The following HSPBAP1 variants were observed in gnomAD, a reference collection of about 807,000 sequenced individuals.
HSPBAP1 encodes HSPB1-associated protein 1.
A neutral mutation model predicts 45.2 loss-of-function variants in HSPBAP1; 27 were observed. The ratio of observed to expected loss-of-function variants is 0.60; its 90% CI spans 0.44 to 0.82. The LOEUF is 0.82. Among genes scored for constraint, HSPBAP1 ranks in the 40% least tolerant of loss-of-function variants. The pLI, the probability that HSPBAP1 is intolerant of heterozygous loss-of-function variation, is 0.00. For synonymous variants in HSPBAP1, 204 were observed against 202.7 expected (o/e 1.01, Z -0.06); for missense variants, 510 against 590.9 (o/e 0.86, Z 1.42).
chr3:122,779,621 G>A (rs899423178), intron 1 of HSPBAP1, among the ~76,000 whole-genome samples: 7 of 151,088 alleles, frequency 4.6e-5, no homozygotes. Context: ...AGTGAACAAA[G>A]GTCTCTGGTT....
At chr3:122,746,922 T>C (rs7639110) in intron 6 of HSPBAP1, among the ~76,000 whole-genome samples, 131,626 of 148,968 alleles carry the variant, frequency 0.88, 58,150 homozygotes, top group East Asian at 0.98. Context: ...CCCGAGGTGC[T>C]GGGATTGCAG....
At chr3:122,760,529 A>G (rs77633599) in intron 3 of HSPBAP1, among the ~76,000 whole-genome samples, 8,237 of 133,620 alleles carry the variant, frequency 0.062, 289 homozygotes, top group Middle Eastern at 0.11. Context: ...GTTTTGAGGA[A>G]GACTAGAAAG....
At chr3:122,783,575 G>A (rs922616018) in intron 1 of HSPBAP1, among the ~76,000 whole-genome samples, 2 of 152,160 alleles carry the variant, frequency 1.3e-5, no homozygotes, top group African/African-American at 4.8e-5. Context: ...GTACATGGGA[G>A]CCCTCACAAG....
At chr3:122,748,184 C>T (rs1576236667) in intron 6 of HSPBAP1, among the ~76,000 whole-genome samples, 2 of 152,210 alleles carry the variant, frequency 1.3e-5, no homozygotes, top group South Asian at 2.1e-4. Flanking sequence ...TTGAAGGCAG[C>T]GTGCTCGTTG....
At chr3:122,747,349 C>T (rs1333473795) in intron 6 of HSPBAP1, among the ~76,000 whole-genome samples, 5 of 151,534 alleles carry the variant, frequency 3.3e-5, no homozygotes, top group Non-Finnish European at 7.4e-5. Flanking sequence ...CCGGCCGCCC[C>T]GTCTGAGAAG....
At chr3:122,768,943 T>TG in intron 2 of HSPBAP1, 61 bp from the exon 3 acceptor site, 2 of 1,147,150 alleles carry the variant, frequency 1.7e-6, no homozygotes, top group Non-Finnish European at 2.4e-6. Context: ...ATTATTGTTT[T>TG]TTTTTTAAAA....
intron 5 of HSPBAP1, chr3:122,753,101 G>T (rs1161056030): frequency 3.5e-6 from 2 of 564,464 alleles, no homozygotes; most frequent in Non-Finnish European, 4.5e-6. Context: ...TAGAAAGGTG[G>T]CATTATAGAA....
At chr3:122,750,382 A>C (rs777628906) in intron 6 of HSPBAP1, among the ~76,000 whole-genome samples, 1 of 152,256 alleles carries the variant, frequency 6.6e-6, no homozygotes, top group Non-Finnish European at 1.5e-5. Context: ...ATACTTTTAT[A>C]GTTCATAAGT....
intron 1 of HSPBAP1, among the ~76,000 whole-genome samples, chr3:122,781,492 C>T (rs1245685665): frequency 1.3e-5 from 2 of 152,124 alleles, no homozygotes; most frequent in East Asian, 3.9e-4. Context: ...TGCAGTGAGC[C>T]GAGATGGCAG....
At chr3:122,773,982 C>G (rs550730642) in intron 2 of HSPBAP1, among the ~76,000 whole-genome samples, 9 of 152,256 alleles carry the variant, frequency 5.9e-5, no homozygotes, top group Admixed American at 3.3e-4. Flanking sequence ...CAAAGAGTAG[C>G]AAAACAGGAA....
At chr3:122,741,254 A>G in intron 6 of HSPBAP1, 141 bp from the exon 7 acceptor site, 2 of 653,334 alleles carry the variant, frequency 3.1e-6, no homozygotes, top group South Asian at 4.0e-5. Context: ...TATTGGTAGA[A>G]CCACAATTTT....
At chr3:122,747,851 G>C (rs376026825) in intron 6 of HSPBAP1, among the ~76,000 whole-genome samples, 15 of 148,570 alleles carry the variant, frequency 1.0e-4, no homozygotes, top group Admixed American at 3.4e-4. Context: ...AGGAGCCCCT[G>C]TGCCCGGCCG....
chr3:122,769,133 A>C (rs958958750), intron 2 of HSPBAP1, among the ~76,000 whole-genome samples: 3 of 152,184 alleles, frequency 2.0e-5, no homozygotes, highest in African/African-American at 7.2e-5. Flanking sequence ...CTCCAAAAAA[A>C]AATTAATTAA....
At chr3:122,778,117 G>A (rs972304332) in intron 1 of HSPBAP1, among the ~76,000 whole-genome samples, 17 of 150,922 alleles carry the variant, frequency 1.1e-4, no homozygotes, top group Non-Finnish European at 2.2e-4. Flanking sequence ...ATATGTGCAG[G>A]TTTGTTACAT....
At chr3:122,745,955 G>C (rs1410609325) in intron 6 of HSPBAP1, among the ~76,000 whole-genome samples, 1 of 152,208 alleles carries the variant, frequency 6.6e-6, no homozygotes, top group Non-Finnish European at 1.5e-5. Flanking sequence ...AATGGATTAA[G>C]TTTGCATCTT....
At chr3:122,755,036 G>A in intron 5 of HSPBAP1, 2 of 1,200,822 alleles carry the variant, frequency 1.7e-6, no homozygotes, top group Non-Finnish European at 2.1e-6. Context: ...CCAATAGGAG[G>A]AGCTGTGTTC....
At position 122,741,107 on chromosome 3, in the gene HSPBAP1, CCT is replaced by C. The variant is rs1458220994; in HGVS notation, c.830_831del (p.Glu277GlyfsTer35). On this transcript the variant is annotated frameshift_variant, in exon 7 of 8. Transcript: ENST00000306103. LOFTEE classifies it high-confidence loss of function. ...VSINSWIELEEDHLARVEEAI... is the reference protein window; with the variant it reads ...VSINSWIELEXDHLARVEEAI... ...GCCTCTTCTACCCGGGCTAGGTGAT[CCT>C]CTTCCTGAATTAAAAAAACACGCTT... The C allele has an allele frequency of 6.2e-7, 1 of 1,612,472 alleles. No individual in the cohort carries two copies. The highest frequency in any genetic ancestry group is 1.7e-5 in the Admixed American group (1 of 60,020).
rs562491013 is a variant in HSPBAP1, at chr3:122,740,666, C to T, written c.1146G>A (p.Pro382=). ...CAGGGCCAAAGGGACTTGCTGCCTC[C>T]GGTTTGTCTGTTCCTGTGGTCAAGT... is the stretch of plus-strand genomic sequence containing the variant. ...SQNLTTGTDK[P]EAASPFGPDL... is the part of the protein sequence containing the mutation. The change falls in exon 8 of 8, where the codon CCG becomes CCA. Residue 382 remains proline (P), a synonymous_variant. Coordinates refer to ENST00000306103, the MANE Select transcript of HSPBAP1 (RefSeq NM_024610.6). 9.3e-6 allele frequency: 15 copies of T among 1,613,938 alleles called. No individual in the cohort carries two copies. Among genetic ancestry groups the T allele is most frequent in the African/African-American group, 6.7e-5 (5 of 75,054 alleles).
At chr3:122,768,427 A>AACAT (rs1322641770) in intron 3 of HSPBAP1, among the ~76,000 whole-genome samples, 1 of 152,248 alleles carries the variant, frequency 6.6e-6, no homozygotes, top group Non-Finnish European at 1.5e-5. Flanking sequence ...CTATGCTTCT[A>AACAT]ACATACTCCA....
Sources: allele counts gnomAD v4.1 joint callset (sites outside exome capture counted in the v4.1 genomes callset), GRCh38; gene constraint gnomAD v4.1.1; transcripts MANE v1.5; gene names NCBI Gene and HGNC (gene_info 2026-07-23, HGNC 2026-07-21).